Variants in MACROD2 observed in about 807,000 individuals in gnomAD.
The protein encoded by MACROD2 is mono-ADP ribosylhydrolase 2, also known as ADP-ribose glycohydrolase MACROD2.
MACROD2 carries 36 observed loss-of-function variants against 70.4 expected under a neutral mutation model. The observed-to-expected ratio is 0.51, with a 90% CI of 0.39 to 0.68. The LOEUF (loss-of-function observed/expected upper bound fraction) is 0.68, where lower values mean the gene tolerates loss of function less well. Ranked by LOEUF, MACROD2 falls within the 30% of genes least tolerant of loss-of-function variation. The probability of loss-of-function intolerance (pLI) is 0.00; values close to 1 mark genes in which losing one functional copy is unlikely to be tolerated. For synonymous variants in MACROD2, 172 were observed against 178.8 expected (o/e 0.96, Z 0.30); for missense variants, 496 against 538.4 (o/e 0.92, Z 0.78).
At chr20:15,011,795 T>G (rs1314505694) in intron 5 of MACROD2, among the ~76,000 whole-genome samples, 1 of 152,174 alleles carries the variant, frequency 6.6e-6, no homozygotes, top group Non-Finnish European at 1.5e-5. Flanking sequence ...GGTGTTTAGC[T>G]CAGGGTTGGT....
chr20:15,755,804 C>A (rs764100378), intron 8 of MACROD2, among the ~76,000 whole-genome samples: 1 of 152,190 alleles, frequency 6.6e-6, no homozygotes, highest in Non-Finnish European at 1.5e-5. Context: ...CATCAGTCAA[C>A]ATGTCTTCCT....
At chr20:14,286,084 A>G (rs1482629942) in intron 3 of MACROD2, among the ~76,000 whole-genome samples, 6 of 152,126 alleles carry the variant, frequency 3.9e-5, no homozygotes, top group Admixed American at 2.6e-4. Flanking sequence ...TTGGGAGTCA[A>G]TTCATTATTT....
chr20:14,761,135 G>A (rs2072009779), intron 5 of MACROD2, among the ~76,000 whole-genome samples: 1 of 151,988 alleles, frequency 6.6e-6, no homozygotes, highest in Admixed American at 6.5e-5. Flanking sequence ...TCTCCCAGCT[G>A]CCCTCAATAC....
chr20:14,022,258 T>G (rs73900793), intron 2 of MACROD2, among the ~76,000 whole-genome samples: 23,108 of 152,142 alleles, frequency 0.15, 1,927 homozygotes, highest in Admixed American at 0.22. Context: ...TATTACACAG[T>G]GCTTTCTTAG....
chr20:14,663,958 A>T (rs990270431), intron 4 of MACROD2, among the ~76,000 whole-genome samples: 2 of 152,064 alleles, frequency 1.3e-5, no homozygotes, highest in Non-Finnish European at 2.9e-5. Flanking sequence ...TGATAGATTG[A>T]CTTTACTTTT....
intron 15 of MACROD2, among the ~76,000 whole-genome samples, chr20:15,995,664 T>TTTTTTTTTTTTTTTTTC (rs2066620362): frequency 7.0e-6 from 1 of 142,052 alleles, no homozygotes; most frequent in Non-Finnish European, 1.5e-5. Context: ...TTTTTTTTTT[T>TTTTTTTTTTTTTTTTTC]TTTTTAACTT....
intron 4 of MACROD2, among the ~76,000 whole-genome samples, chr20:14,569,922 T>G (rs555319996): frequency 1.3e-5 from 2 of 152,142 alleles, no homozygotes; most frequent in East Asian, 3.9e-4. Flanking sequence ...TGAGATTCTT[T>G]TCCTCTGCTG....
chr20:15,192,957 A>C (rs759307326), intron 5 of MACROD2, among the ~76,000 whole-genome samples: 1 of 152,148 alleles, frequency 6.6e-6, no homozygotes, highest in Non-Finnish European at 1.5e-5. Flanking sequence ...CTGCTAAGCT[A>C]TTTCTGAGTC....
chr20:14,792,225 A>T (rs2072459294), intron 5 of MACROD2, among the ~76,000 whole-genome samples: 1 of 152,090 alleles, frequency 6.6e-6, no homozygotes, highest in Admixed American at 6.6e-5. Flanking sequence ...GCACTAAATT[A>T]TTCTGTATTA....
intron 6 of MACROD2, among the ~76,000 whole-genome samples, chr20:15,340,072 A>G (rs1384398229): frequency 2.4e-5 from 3 of 124,084 alleles, no homozygotes; most frequent in Non-Finnish European, 5.3e-5. Context: ...AGGCCCCAAT[A>G]TGTGCTTTTT....
At chr20:15,852,897 G>A (rs1034553944) in intron 8 of MACROD2, among the ~76,000 whole-genome samples, 4 of 152,168 alleles carry the variant, frequency 2.6e-5, no homozygotes, top group Non-Finnish European at 2.9e-5. Context: ...TGTAGACCCA[G>A]CTACTCAAGA....
rs187694239 is a variant in MACROD2, at chr20:15,769,529, T to C, written c.646-93216T>C. Among the ~76,000 whole-genome samples the C allele has an allele frequency of 1.6e-3, 249 of 152,344 alleles. 4 individuals carry two copies. The highest frequency in any genetic ancestry group is 0.016 in the Admixed American group (239 of 15,302). On this transcript the variant is annotated intron_variant, in intron 8 of 17. Transcript: ENST00000684519. ...TGTGACTGGCTTTGCAGTAGGTTTA[T>C]TTATACCAGCAGCACCACAAACGCA...
chr20:14,368,348 C>T (rs1358834965), intron 3 of MACROD2, among the ~76,000 whole-genome samples: 3 of 152,014 alleles, frequency 2.0e-5, no homozygotes, highest in Non-Finnish European at 2.9e-5. Context: ...GTCAGGAGAT[C>T]GAGACTAACA....
intron 5 of MACROD2, among the ~76,000 whole-genome samples, chr20:14,869,588 G>T (rs965109383): frequency 3.9e-5 from 6 of 152,096 alleles, no homozygotes; most frequent in Non-Finnish European, 8.8e-5. Context: ...TCTTTATCTT[G>T]CATAAATCTT....
At chr20:15,714,301 C>A (rs1352352097) in intron 8 of MACROD2, among the ~76,000 whole-genome samples, 1 of 152,222 alleles carries the variant, frequency 6.6e-6, no homozygotes, top group African/African-American at 2.4e-5. Context: ...GGATTCTTTG[C>A]TCCACTAAGA....
intron 8 of MACROD2, among the ~76,000 whole-genome samples, chr20:15,575,987 A>G (rs1481674970): frequency 6.6e-6 from 1 of 152,208 alleles, no homozygotes; most frequent in Non-Finnish European, 1.5e-5. Context: ...TTGTTCACTT[A>G]TGGTTTCATC....
chr20:14,405,154 G>A (rs560106936), intron 3 of MACROD2, among the ~76,000 whole-genome samples: 1 of 152,190 alleles, frequency 6.6e-6, no homozygotes, highest in Non-Finnish European at 1.5e-5. Context: ...GACTTTTGAA[G>A]ACTCTGTAAC....
At chr20:14,509,939 A>C (rs2085010570) in intron 4 of MACROD2, among the ~76,000 whole-genome samples, 1 of 151,976 alleles carries the variant, frequency 6.6e-6, no homozygotes, top group South Asian at 2.1e-4. Context: ...TGTTTGGATG[A>C]TCAGATATTA....
intron 5 of MACROD2, chr20:14,895,035 G>C (rs1281275737): frequency 6.6e-6 from 1 of 152,120 alleles, no homozygotes; most frequent in Non-Finnish European, 1.5e-5. Flanking sequence ...TAACGAGAAT[G>C]AATAGAAGAA....
Sources: gnomAD v4.1 joint callset for allele counts (sites outside exome capture counted in the v4.1 genomes callset) on GRCh38, gnomAD v4.1.1 for gene constraint, MANE v1.5 for transcripts, NCBI Gene and HGNC (gene_info 2026-07-23, HGNC 2026-07-21) for gene names.